The following N4BP1 variants were observed in gnomAD, a reference collection of about 807,000 sequenced individuals.
N4BP1 encodes the protein NEDD4-binding protein 1.
Under a neutral mutation model 70.9 loss-of-function variants are expected in N4BP1, and 21 were observed. The observed-to-expected ratio is 0.30, with a 90% CI of 0.21 to 0.43. The LOEUF is 0.43. N4BP1 is among the 20% of genes least tolerant of loss of function. N4BP1 has a pLI of 1.00. For synonymous variants in N4BP1, 387 were observed against 394.6 expected, an observed-to-expected ratio of 0.98 and a Z score of 0.23; for missense variants, 936 against 1,069.4, an observed-to-expected ratio of 0.88 and a Z score of 1.74.
At chr16:48,547,407 T>C (rs1963604951) in intron 5 of N4BP1, among the ~76,000 whole-genome samples, 1 of 152,244 alleles carries the variant, frequency 6.6e-6, no homozygotes, top group South Asian at 2.1e-4. Context: ...GACACATTCA[T>C]AGTATTATTA....
Position 48,594,001 on chromosome 16 carries a change from C to CAAA in N4BP1, c.198+15771_198+15773dup, listed in dbSNP as rs750355255. Among the ~76,000 whole-genome samples the CAAA allele has an allele frequency of 3.5e-3, 147 of 42,418 alleles. 18 individuals are homozygous for CAAA. The highest frequency in any genetic ancestry group is 0.01 in the Middle Eastern group (1 of 100). The allele number at this position is 42,418 out of a possible 152,430, so 27.8% of individuals were successfully genotyped here. On this transcript the variant is annotated intron_variant, in intron 1 of 6. Transcript: ENST00000262384. The stretch of plus-strand genomic sequence containing the variant: ...TGGGTGCCAGAGCAAGACTCCGTCT[C>CAAA]AAAAAAAAAAAAAAAAACAAAAAAA...
rs2151082948 is a variant in N4BP1, at chr16:48,540,404, C to G, written c.*2500G>C. 1 of 152,600 alleles carries G rather than the reference C, an allele frequency of 6.6e-6. No individual in the cohort carries two copies. Among genetic ancestry groups the G allele is most frequent in the Admixed American group, 6.5e-5 (1 of 15,314 alleles). The allele number at this position is 152,600 out of a possible 1,614,324, so 9.5% of individuals were successfully genotyped here. The stretch of plus-strand genomic sequence containing the variant: ...ACTGGTCTCAAAAGCCACCCAGGCC[C>G]AAGTCCCGGCCAGACAGCCGAGCCT... On this transcript the variant is annotated 3_prime_UTR_variant, in exon 7 of 7. Coordinates refer to ENST00000262384, the MANE Select transcript of N4BP1 (RefSeq NM_153029.4).
chr16:48,542,766 A>G lies in N4BP1; in HGVS notation c.*138T>C, dbSNP rs1008066797. Reference sequence around the variant, plus strand: ...TTTTGAAAACCCAGATTTATACCCAAAACATTTTTTTTCTGTACAACTGCG... The same window carrying G: ...TTTTGAAAACCCAGATTTATACCCAGAACATTTTTTTTCTGTACAACTGCG... On this transcript the variant is annotated 3_prime_UTR_variant, in exon 7 of 7. Coordinates refer to ENST00000262384, the MANE Select transcript of N4BP1 (RefSeq NM_153029.4). 3.9e-5 allele frequency: 30 copies of G among 764,304 alleles called. No individual in the cohort carries two copies. The highest frequency in any genetic ancestry group is 5.4e-5 in the Non-Finnish European group (28 of 516,974). The allele number at this position is 764,304 out of a possible 1,614,324, so 47.3% of individuals were successfully genotyped here.
intron 1 of N4BP1, among the ~76,000 whole-genome samples, chr16:48,601,366 C>T (rs1964495335): frequency 6.6e-6 from 1 of 152,062 alleles, no homozygotes; most frequent in South Asian, 2.1e-4. Flanking sequence ...ATCCCAGTGC[C>T]TTTTAAAAGT....
intron 1 of N4BP1, among the ~76,000 whole-genome samples, chr16:48,605,327 C>T (rs1399477630): frequency 1.3e-5 from 2 of 152,138 alleles, no homozygotes; most frequent in African/African-American, 2.4e-5. Flanking sequence ...CCACTGCGCC[C>T]GGCCTAAAAG....
intron 2 of N4BP1, among the ~76,000 whole-genome samples, chr16:48,557,353 G>A (rs1963770595): frequency 6.6e-6 from 1 of 152,194 alleles, no homozygotes; most frequent in Admixed American, 6.5e-5. Context: ...AACTTCTGCT[G>A]GAGGAGAGAG....
At chr16:48,566,229 G>A (rs1963942664) in intron 1 of N4BP1, among the ~76,000 whole-genome samples, 1 of 151,490 alleles carries the variant, frequency 6.6e-6, no homozygotes, top group Admixed American at 6.6e-5. Context: ...TATTATTATA[G>A]AGGCAAGATC....
chr16:48,554,975 C>A (rs763588325), intron 2 of N4BP1, among the ~76,000 whole-genome samples: 5 of 152,244 alleles, frequency 3.3e-5, no homozygotes, highest in Admixed American at 6.5e-5. Context: ...CCTCCCACTA[C>A]CATGAGACAA....
rs1261594986 is a variant in N4BP1, at chr16:48,567,637, A to G, written c.199-5193T>C. Among the ~76,000 whole-genome samples the G allele has an allele frequency of 5.9e-5, 9 of 152,212 alleles. No homozygotes were observed. In the South Asian group the frequency reaches 6.2e-4, roughly 11 times the overall value. On this transcript the variant is annotated intron_variant, in intron 1 of 6. Transcript: ENST00000262384. ...CTCGGCCCCTACTGCATTTTTATCTATATCTCTTCATATAGTTTTTAAGTG... is the reference window on the plus strand; with the variant it reads ...CTCGGCCCCTACTGCATTTTTATCTGTATCTCTTCATATAGTTTTTAAGTG...
chr16:48,599,018 C>T (rs1964459978), intron 1 of N4BP1, among the ~76,000 whole-genome samples: 1 of 152,060 alleles, frequency 6.6e-6, no homozygotes, highest in Non-Finnish European at 1.5e-5. Context: ...AACACTTCCC[C>T]TACCTAGTAC....
At chr16:48,570,680 T>A (rs757181176) in intron 1 of N4BP1, among the ~76,000 whole-genome samples, 6 of 152,176 alleles carry the variant, frequency 3.9e-5, no homozygotes, top group Non-Finnish European at 8.8e-5. Flanking sequence ...TTGTTCTAAA[T>A]CTGCCTGCTA....
At chr16:48,545,868 A>G (rs1034551929) in intron 6 of N4BP1, among the ~76,000 whole-genome samples, 1 of 151,892 alleles carries the variant, frequency 6.6e-6, no homozygotes, top group Non-Finnish European at 1.5e-5. Context: ...TCTACTAAAA[A>G]TACAAAAAAA....
At chr16:48,562,992 C>T (rs1028601153) in intron 1 of N4BP1, among the ~76,000 whole-genome samples, 2 of 145,456 alleles carry the variant, frequency 1.4e-5, no homozygotes, top group Non-Finnish European at 3.0e-5. Context: ...AAATTTTTTT[C>T]CAGCTGGTTG....
chr16:48,584,447 G>C (rs938741707), intron 1 of N4BP1, among the ~76,000 whole-genome samples: 2 of 152,198 alleles, frequency 1.3e-5, no homozygotes, highest in African/African-American at 4.8e-5. Context: ...AATATCCCCA[G>C]GGCTATTAAT....
In N4BP1 at chr16:48,553,520, A is replaced by C. The variant is rs772735517; in HGVS notation, c.2020+19T>G. 8 of 1,525,552 alleles carry C rather than the reference A, an allele frequency of 5.2e-6. No homozygotes were observed. Among genetic ancestry groups the C allele is most frequent in the Non-Finnish European group, 4.4e-6 (5 of 1,138,482 alleles). The allele number at this position is 1,525,552 out of a possible 1,614,324, so 94.5% of individuals were successfully genotyped here. On this transcript the variant is annotated intron_variant, in intron 3 of 6. Coordinates refer to ENST00000262384, the MANE Select transcript of N4BP1 (RefSeq NM_153029.4). Reference sequence around the variant, plus strand: ...ATTAAACATTTCACTAGAAATCTGAAAAAATCAGTTTGCCTCACCTGTGAC... The same window carrying C: ...ATTAAACATTTCACTAGAAATCTGACAAAATCAGTTTGCCTCACCTGTGAC...
At chr16:48,568,279 A>G (rs1315170925) in intron 1 of N4BP1, among the ~76,000 whole-genome samples, 1 of 152,186 alleles carries the variant, frequency 6.6e-6, no homozygotes, top group African/African-American at 2.4e-5. Flanking sequence ...ATTTTAGGAC[A>G]CCAGCATACT....
intron 1 of N4BP1, among the ~76,000 whole-genome samples, chr16:48,575,119 CTT>C (rs1358407430): frequency 1.3e-5 from 2 of 152,214 alleles, no homozygotes; most frequent in Non-Finnish European, 2.9e-5. Flanking sequence ...ACAACTTACT[CTT>C]CTGAAGTACT....
chr16:48,589,478 G>A (rs1964300753), intron 1 of N4BP1, among the ~76,000 whole-genome samples: 2 of 152,070 alleles, frequency 1.3e-5, no homozygotes, highest in Non-Finnish European at 2.9e-5. Flanking sequence ...TATCCTGAAG[G>A]GTGTTGTTCC....
intron 1 of N4BP1, among the ~76,000 whole-genome samples, chr16:48,586,851 C>G (rs556819344): frequency 5.3e-5 from 8 of 152,104 alleles, no homozygotes; most frequent in Admixed American, 2.0e-4. Context: ...TACTTTTGTA[C>G]AGATAAAAAC....
Sources: allele counts gnomAD v4.1 joint callset (sites outside exome capture counted in the v4.1 genomes callset), GRCh38; gene constraint gnomAD v4.1.1; transcripts MANE v1.5; gene names NCBI Gene and HGNC (gene_info 2026-07-23, HGNC 2026-07-21).